RNF17: variants seen among roughly 807,000 people sequenced by gnomAD.
RNF17 encodes ring finger protein 17, also known as spermatogenesis associated 23.
A neutral mutation model predicts 200.5 loss-of-function variants in RNF17; 31 were observed. The ratio of observed to expected loss-of-function variants is 0.15; its 90% confidence interval spans 0.12 to 0.21. RNF17 has a LOEUF of 0.21. Ranked by LOEUF, RNF17 falls within the 10% of genes least tolerant of loss-of-function variation. The probability of loss-of-function intolerance (pLI) is 1.00; values close to 1 mark genes in which losing one functional copy is unlikely to be tolerated. For missense variants in RNF17, 1,628 were observed against 1,905.1 expected, an observed-to-expected ratio of 0.85 and a Z score of 2.71; for synonymous variants, 606 against 637.8, an observed-to-expected ratio of 0.95 and a Z score of 0.75.
At chr13:24,858,865 AAC>A (rs3217614) in intron 25 of RNF17, 134 bp from the exon 26 acceptor site, 41 of 594,564 alleles carry the variant, frequency 6.9e-5, no homozygotes, top group Middle Eastern at 4.5e-4. Context: ...TATGTTTTAA[AAC>A]ACACACAGAT....
intron 33 of RNF17, among the ~76,000 whole-genome samples, chr13:24,875,220 A>G (rs142148026): frequency 1.3e-5 from 2 of 152,296 alleles, no homozygotes; most frequent in East Asian, 1.9e-4. Flanking sequence ...ATTCTGCTCA[A>G]ATTGAAACAA....
intron 31 of RNF17, 38 bp from the exon 32 acceptor site, chr13:24,870,533 C>T: frequency 1.3e-6 from 2 of 1,574,370 alleles, no homozygotes; most frequent in Non-Finnish European, 1.7e-6. Context: ...CTTGACATTC[C>T]AGAATCTGAA....
chr13:24,860,816 A>T (rs994561899), intron 26 of RNF17, among the ~76,000 whole-genome samples: 2 of 152,148 alleles, frequency 1.3e-5, no homozygotes, highest in African/African-American at 4.8e-5. Flanking sequence ...GGATGAGGGA[A>T]TAAATACAGT....
chr13:24,797,593 T>G (rs1884717265), intron 11 of RNF17, among the ~76,000 whole-genome samples: 1 of 152,166 alleles, frequency 6.6e-6, no homozygotes, highest in African/African-American at 2.4e-5. Context: ...GTGGGTTTTT[T>G]CAGGTACTCT....
At chr13:24,817,243 G>A (rs146028406) in intron 15 of RNF17, among the ~76,000 whole-genome samples, 1 of 152,172 alleles carries the variant, frequency 6.6e-6, no homozygotes, top group African/African-American at 2.4e-5. Context: ...ATCTGGTCCA[G>A]GGCTTTTCAT....
intron 3 of RNF17, among the ~76,000 whole-genome samples, chr13:24,777,393 C>T (rs909136507): frequency 6.6e-6 from 1 of 152,210 alleles, no homozygotes; most frequent in Non-Finnish European, 1.5e-5. Context: ...AATAGCTGGG[C>T]ATGATGGCTC....
chr13:24,847,851 C>G (rs1435441951), intron 22 of RNF17, among the ~76,000 whole-genome samples: 3 of 152,166 alleles, frequency 2.0e-5, no homozygotes, highest in African/African-American at 7.2e-5. Flanking sequence ...AGCTCACATA[C>G]TATATAAATC....
intron 6 of RNF17, 87 bp downstream of exon 6, chr13:24,782,031 G>T: frequency 1.1e-6 from 1 of 886,634 alleles, no homozygotes; most frequent in East Asian, 2.6e-5. Context: ...AATGGTAATG[G>T]GTAACTTTTA....
At chr13:24,827,946 A>G (rs1888930226) in intron 16 of RNF17, among the ~76,000 whole-genome samples, 1 of 152,044 alleles carries the variant, frequency 6.6e-6, no homozygotes, top group Non-Finnish European at 1.5e-5. Context: ...CACATTTATG[A>G]GGGCAGAACC....
chr13:24,869,043 T>C (rs1181322696), intron 31 of RNF17, among the ~76,000 whole-genome samples: 1 of 152,234 alleles, frequency 6.6e-6, no homozygotes, highest in Non-Finnish European at 1.5e-5. Context: ...TGCACTGAAC[T>C]CTTCCACTTA....
At chr13:24,838,080 A>G (rs1257634717) in intron 18 of RNF17, among the ~76,000 whole-genome samples, 1 of 152,212 alleles carries the variant, frequency 6.6e-6, no homozygotes, top group African/African-American at 2.4e-5. Context: ...CACATAAACT[A>G]GAAAACCTAG....
chr13:24,878,993 TAA>T (rs1345633400), intron 34 of RNF17, among the ~76,000 whole-genome samples, 192 bp from the exon 35 acceptor site: 1 of 151,702 alleles, frequency 6.6e-6, no homozygotes, highest in Non-Finnish European at 1.5e-5. Context: ...AGAAGGAATT[TAA>T]AGAGAGCAGA....
chr13:24,858,205 A>G (rs971160479), intron 25 of RNF17, among the ~76,000 whole-genome samples: 2 of 152,174 alleles, frequency 1.3e-5, no homozygotes, highest in African/African-American at 4.8e-5. Flanking sequence ...ATATTTTTTA[A>G]TTTGAAAGAC....
chr13:24,840,755 G>A (rs1243252527), intron 18 of RNF17, among the ~76,000 whole-genome samples: 1 of 151,966 alleles, frequency 6.6e-6, no homozygotes, highest in Non-Finnish European at 1.5e-5. Flanking sequence ...GGAGGGGGGC[G>A]AAGGATAAAA....
chr13:24,831,807 G>A, intron 17 of RNF17, 51 bp from the exon 18 acceptor site: 3 of 1,507,824 alleles, frequency 2.0e-6, no homozygotes, highest in Non-Finnish European at 2.7e-6. Flanking sequence ...GAATTCTAAA[G>A]TAGGTAGAAA....
rs1891049019 is a variant in RNF17, at chr13:24,844,668, A to G, written c.2848A>G (p.Ile950Val). ...NLLNSLEEKM[I>V]AAYENSKWEP... ...TCTCTATAGTTTAGAAGAAAAGATGATAGCTGCTTATGAAAACTCAAAATG... is the reference window on the plus strand; with the variant it reads ...TCTCTATAGTTTAGAAGAAAAGATGGTAGCTGCTTATGAAAACTCAAAATG... Residue 950 changes from isoleucine (I) to valine (V), a missense_variant, in exon 21 of 36, where the codon ATA (isoleucine) becomes GTA (valine). Physicochemically the swap from Ile to Val is conservative, Grantham distance 29. Transcript: ENST00000255324. 6.3e-7 allele frequency: 1 copy of G among 1,599,056 alleles called. No individual in the cohort carries two copies. The highest frequency in any genetic ancestry group is 1.1e-5 in the South Asian group (1 of 90,112).
intron 32 of RNF17, among the ~76,000 whole-genome samples, chr13:24,872,180 G>A (rs772534190): frequency 5.4e-5 from 8 of 149,144 alleles, no homozygotes; most frequent in South Asian, 2.1e-4. Flanking sequence ...GGCTGGTCTC[G>A]AACTCCTGAC....
chr13:24,828,647 T>C (rs1011125797), intron 16 of RNF17, among the ~76,000 whole-genome samples: 1 of 150,222 alleles, frequency 6.7e-6, no homozygotes, highest in African/African-American at 2.5e-5. Flanking sequence ...ATTCATACTC[T>C]GTGTAAATAA....
Position 24,859,248 on chromosome 13 carries a change from TG to T in RNF17, c.3774+86del, listed in dbSNP as rs535064665. 3.0e-4 allele frequency: 293 copies of T among 971,934 alleles called. 1 individual carries two copies. In the African/African-American group the frequency reaches 4.3e-3, roughly 14 times the overall value. 60.2% of individuals were successfully genotyped at this position (971,934 alleles called of 1,614,324 possible). A position where few individuals can be genotyped will look rare whatever the true frequency, so the allele number is the denominator to read the frequency against. On this transcript the variant is annotated intron_variant, in intron 26 of 35. Coordinates refer to ENST00000255324, the MANE Select transcript of RNF17 (RefSeq NM_031277.3). ...CTTGTGCATTTGAACACGAGAAAGT[TG>T]GATTAAAACATCTTTTGATGAAAAT...
Sources: gnomAD v4.1 joint callset for allele counts (sites outside exome capture counted in the v4.1 genomes callset) on GRCh38, gnomAD v4.1.1 for gene constraint, MANE v1.5 for transcripts, NCBI Gene and HGNC (gene_info 2026-07-23, HGNC 2026-07-21) for gene names.